The following JAKMIP2 variants were observed in gnomAD, a reference collection of about 807,000 sequenced individuals.
JAKMIP2 encodes janus kinase and microtubule-interacting protein 2.
In JAKMIP2, 25 loss-of-function variants were observed where a neutral mutation model predicts 115.0. The observed-to-expected ratio is 0.22, with a 90% CI of 0.16 to 0.30. The LOEUF is 0.30. Ranked by LOEUF, JAKMIP2 falls within the 10% of genes least tolerant of loss-of-function variation. The probability of loss-of-function intolerance (pLI) is 1.00; values close to 1 mark genes in which losing one functional copy is unlikely to be tolerated. For missense variants in JAKMIP2, 642 were observed against 957.6 expected (o/e 0.67, Z 4.35); for synonymous variants, 334 against 343.6 (o/e 0.97, Z 0.31).
intron 21 of JAKMIP2, among the ~76,000 whole-genome samples, chr5:147,592,068 G>C (rs1388467866): frequency 6.6e-6 from 1 of 152,128 alleles, no homozygotes; most frequent in African/African-American, 2.4e-5. Context: ...ACTTATTTTA[G>C]ATTCAGAAGG....
intron 1 of JAKMIP2, among the ~76,000 whole-genome samples, chr5:147,684,878 G>A (rs1760494773): frequency 6.6e-6 from 1 of 152,146 alleles, no homozygotes; most frequent in Non-Finnish European, 1.5e-5. Context: ...CTTGGATTAT[G>A]ATGGAGGGGT....
chr5:147,594,248 GCAT>G (rs1755238897), intron 21 of JAKMIP2: 1 of 235,186 alleles, frequency 4.3e-6, no homozygotes, highest in African/African-American at 2.2e-5. Flanking sequence ...TTAACAGGTT[GCAT>G]AACAGTGCTA....
At chr5:147,644,701 T>C in intron 6 of JAKMIP2, 149 bp downstream of exon 6, 1 of 656,330 alleles carries the variant, frequency 1.5e-6, no homozygotes, top group Non-Finnish European at 2.5e-6. Context: ...AACCTTCTCT[T>C]GCTTTCTTCA....
chr5:147,749,302 A>G (rs957396389), intron 1 of JAKMIP2, among the ~76,000 whole-genome samples: 1 of 152,062 alleles, frequency 6.6e-6, no homozygotes, highest in Non-Finnish European at 1.5e-5. Flanking sequence ...ACTCAACACT[A>G]CTCATGCATT....
At chr5:147,770,173 C>T (rs542386622) in intron 1 of JAKMIP2, among the ~76,000 whole-genome samples, 2 of 151,862 alleles carry the variant, frequency 1.3e-5, no homozygotes, top group African/African-American at 4.8e-5. Flanking sequence ...TTCTATATCA[C>T]TAAACATTTT....
chr5:147,702,347 A>C (rs898259581), intron 1 of JAKMIP2, among the ~76,000 whole-genome samples: 6 of 148,640 alleles, frequency 4.0e-5, no homozygotes, highest in Non-Finnish European at 7.4e-5. Flanking sequence ...ATTGAGTACA[A>C]TGTACATTGC....
intron 1 of JAKMIP2, among the ~76,000 whole-genome samples, chr5:147,714,235 T>C (rs1752882976): frequency 6.6e-6 from 1 of 152,036 alleles, no homozygotes; most frequent in Admixed American, 6.6e-5. Flanking sequence ...ATAAAAGTCA[T>C]GCATGAAAAA....
chr5:147,681,853 G>A (rs555480028), intron 1 of JAKMIP2, among the ~76,000 whole-genome samples: 2 of 151,998 alleles, frequency 1.3e-5, no homozygotes, highest in East Asian at 3.9e-4. Flanking sequence ...ACCAGCCTGG[G>A]CAACATGGAG....
chr5:147,661,658 T>C (rs1261661978), intron 2 of JAKMIP2: 4 of 542,412 alleles, frequency 7.4e-6, no homozygotes, highest in Non-Finnish European at 1.3e-5. Flanking sequence ...TATTACTTTG[T>C]TCAGATGAAT....
intron 14 of JAKMIP2, among the ~76,000 whole-genome samples, chr5:147,629,971 G>T (rs1195685438): frequency 6.6e-6 from 1 of 152,168 alleles, no homozygotes; most frequent in Non-Finnish European, 1.5e-5. Context: ...GCAAAATGGA[G>T]ATAATAAATT....
chr5:147,681,711 T>C (rs551043057), intron 1 of JAKMIP2, among the ~76,000 whole-genome samples: 1 of 152,036 alleles, frequency 6.6e-6, no homozygotes, highest in South Asian at 2.1e-4. Flanking sequence ...ATGGGCATCA[T>C]AGGAATCTCA....
intron 20 of JAKMIP2, among the ~76,000 whole-genome samples, chr5:147,607,143 T>A (rs1756059499): frequency 6.6e-6 from 1 of 152,224 alleles, no homozygotes; most frequent in Non-Finnish European, 1.5e-5. Context: ...ACTTCCTCTC[T>A]TCCTATCTGA....
intron 16 of JAKMIP2, among the ~76,000 whole-genome samples, chr5:147,625,040 GCA>G (rs1581311700): frequency 2.0e-5 from 3 of 151,964 alleles, no homozygotes; most frequent in Admixed American, 6.6e-5. Context: ...GAGTGCAATG[GCA>G]CGATCTTGGC....
intron 3 of JAKMIP2, among the ~76,000 whole-genome samples, chr5:147,658,766 C>A (rs1269744587): frequency 6.6e-6 from 1 of 152,012 alleles, no homozygotes; most frequent in South Asian, 2.1e-4. Context: ...TGACCACAGC[C>A]GCTTTGCTGT....
chr5:147,687,464 C>G (rs1377051973), intron 1 of JAKMIP2, among the ~76,000 whole-genome samples: 2 of 152,160 alleles, frequency 1.3e-5, no homozygotes, highest in Non-Finnish European at 2.9e-5. Flanking sequence ...GTGTGTCTAA[C>G]AGAAGGGATG....
In JAKMIP2 at chr5:147,705,541, G is replaced by C. The variant is rs139755295; in HGVS notation, c.-148-33587C>G. Among the ~76,000 whole-genome samples, 692 of 152,128 alleles carry C rather than the reference G, an allele frequency of 4.5e-3. 11 individuals carry two copies. Among genetic ancestry groups the C allele is most frequent in the African/African-American group, 0.016 (648 of 41,504 alleles). On this transcript the variant is annotated intron_variant, in intron 1 of 21. Transcript: ENST00000616793. ...GCCAACATTACACCACTGCACTCCAGCCTGGGTGACAGAGTGAGACCTGTC... is the reference window on the plus strand; with the variant it reads ...GCCAACATTACACCACTGCACTCCACCCTGGGTGACAGAGTGAGACCTGTC...
intron 1 of JAKMIP2, among the ~76,000 whole-genome samples, chr5:147,703,762 A>C (rs957476799): frequency 6.6e-6 from 1 of 151,350 alleles, no homozygotes; most frequent in Non-Finnish European, 1.5e-5. Context: ...CTTTTTTTTT[A>C]CTTCAACTTT....
intron 1 of JAKMIP2, among the ~76,000 whole-genome samples, chr5:147,754,161 A>T (rs1049219612): frequency 6.6e-6 from 1 of 152,198 alleles, no homozygotes; most frequent in African/African-American, 2.4e-5. Flanking sequence ...CATAAAAGGG[A>T]GATTAAAATG....
rs373933909 is a variant in JAKMIP2, at chr5:147,671,791, G to A, written c.16C>T (p.Arg6Ter). The part of the protein sequence containing the change: MSKKG[R>*]NKGEKPEALI... The stretch of plus-strand genomic sequence containing the variant: ...GCCTCGGGCTTCTCGCCCTTATTTC[G>A]CCCTTTCTTGGACATTGTTCCTTTC... The change falls in exon 2 of 22, where the codon CGA (arginine) becomes TGA (stop). Residue 6 changes from arginine to a stop codon, truncating the protein, a stop_gained. Transcript: ENST00000616793. LOFTEE classifies it high-confidence loss of function. The A allele has an allele frequency of 1.3e-6, 2 of 1,578,934 alleles. No homozygotes were observed. The highest frequency in any genetic ancestry group is 1.2e-5 in the South Asian group (1 of 85,450).
Sources: gnomAD v4.1 joint callset for allele counts (sites outside exome capture counted in the v4.1 genomes callset) on GRCh38, gnomAD v4.1.1 for gene constraint, MANE v1.5 for transcripts, NCBI Gene and HGNC (gene_info 2026-07-23, HGNC 2026-07-21) for gene names.